INPP4B: variants seen among roughly 807,000 people sequenced by gnomAD.
INPP4B encodes the protein inositol polyphosphate-4-phosphatase type II B.
A neutral mutation model predicts 122.5 loss-of-function variants in INPP4B; 55 were observed. That is an observed-to-expected ratio of 0.45 (90% CI 0.36 to 0.56). The LOEUF (loss-of-function observed/expected upper bound fraction) is 0.56, where lower values mean the gene tolerates loss of function less well. Ranked by LOEUF, INPP4B falls within the 20% of genes least tolerant of loss-of-function variation. The pLI, the probability that INPP4B is intolerant of heterozygous loss-of-function variation, is 0.00. For missense variants in INPP4B, 1,000 were observed against 1,097.7 expected, an observed-to-expected ratio of 0.91 and a Z score of 1.26; for synonymous variants, 403 against 388.7, an observed-to-expected ratio of 1.04 and a Z score of -0.43.
chr4:142,166,906 T>C (rs1823021676), intron 16 of INPP4B, among the ~76,000 whole-genome samples: 1 of 151,852 alleles, frequency 6.6e-6, no homozygotes, highest in Non-Finnish European at 1.5e-5. Context: ...CAGGTGAGGC[T>C]GTGGAGAAAT....
intron 5 of INPP4B, among the ~76,000 whole-genome samples, chr4:142,414,147 A>G (rs1161947447): frequency 6.6e-6 from 1 of 152,206 alleles, no homozygotes; most frequent in Non-Finnish European, 1.5e-5. Context: ...ATTTCCTTGA[A>G]GTAAAATATT....
At chr4:142,544,982 T>C (rs548704301) in intron 2 of INPP4B, among the ~76,000 whole-genome samples, 1 of 152,338 alleles carries the variant, frequency 6.6e-6, no homozygotes, top group East Asian at 1.9e-4. Flanking sequence ...GTAAATTTTA[T>C]GGTTACATTC....
chr4:142,374,376 T>C (rs546979642), intron 7 of INPP4B, among the ~76,000 whole-genome samples: 2 of 151,936 alleles, frequency 1.3e-5, no homozygotes, highest in African/African-American at 2.4e-5. Flanking sequence ...CTTTCAGTCA[T>C]CTAGATTTCT....
intron 2 of INPP4B, among the ~76,000 whole-genome samples, chr4:142,711,845 C>T (rs1408798541): frequency 1.3e-5 from 2 of 152,046 alleles, no homozygotes; most frequent in Non-Finnish European, 2.9e-5. Context: ...GCCAGGAGTT[C>T]GAGACCAGCC....
chr4:142,548,466 A>T (rs1727163203), intron 2 of INPP4B, among the ~76,000 whole-genome samples: 2 of 152,224 alleles, frequency 1.3e-5, no homozygotes, highest in Admixed American at 1.3e-4. Flanking sequence ...AGCTAATTCG[A>T]GTGCTCTTGT....
At chr4:142,652,092 T>A (rs1753093550) in intron 2 of INPP4B, among the ~76,000 whole-genome samples, 1 of 152,050 alleles carries the variant, frequency 6.6e-6, no homozygotes, top group Admixed American at 6.6e-5. Flanking sequence ...ACGTAATCCA[T>A]CACGTAAACA....
rs540486637 is a variant in INPP4B at position 142,641,926 on chromosome 4, C to T, written c.-191+83913G>A. Among the ~76,000 whole-genome samples the T allele has an allele frequency of 5.9e-5, 9 of 152,240 alleles. No homozygotes were observed. In the South Asian group the frequency reaches 1.9e-3, roughly 32 times the overall value. ...CTATTTCTCCACATCCTCTCCAGCA[C>T]CTCTTGTTTCCTGACTTTTTAATGA... On this transcript the variant is annotated intron_variant, in intron 2 of 25. Coordinates refer to ENST00000262992, the MANE Select transcript of INPP4B (RefSeq NM_001101669.3).
intron 2 of INPP4B, among the ~76,000 whole-genome samples, chr4:142,498,658 G>A (rs1256535050): frequency 1.3e-5 from 2 of 151,912 alleles, no homozygotes; most frequent in African/African-American, 4.8e-5. Flanking sequence ...GGGTATGGTG[G>A]CATCTGCCTG....
At chr4:142,420,699 A>G (rs1162482609) in intron 5 of INPP4B, among the ~76,000 whole-genome samples, 1 of 152,156 alleles carries the variant, frequency 6.6e-6, no homozygotes, top group Non-Finnish European at 1.5e-5. Flanking sequence ...TACATTCTAG[A>G]TATAGGCCTT....
intron 2 of INPP4B, among the ~76,000 whole-genome samples, chr4:142,642,154 A>G (rs1017220996): frequency 6.6e-6 from 1 of 152,062 alleles, no homozygotes; most frequent in Admixed American, 6.6e-5. Context: ...TTCTTTGTAG[A>G]TTCTGGATAT....
At chr4:142,464,205 A>G (rs1260104906) in intron 2 of INPP4B, among the ~76,000 whole-genome samples, 1 of 152,176 alleles carries the variant, frequency 6.6e-6, no homozygotes, top group Admixed American at 6.6e-5. Flanking sequence ...ATATGTGTAT[A>G]AAAATGTTAC....
At chr4:142,327,382 C>A (rs1277562024) in intron 7 of INPP4B, among the ~76,000 whole-genome samples, 1 of 151,876 alleles carries the variant, frequency 6.6e-6, no homozygotes, top group East Asian at 1.9e-4. Context: ...GATCACCAAA[C>A]CCCCCATACA....
intron 1 of INPP4B, among the ~76,000 whole-genome samples, chr4:142,815,212 T>C (rs1456392461): frequency 5.3e-5 from 8 of 152,092 alleles, no homozygotes; most frequent in Non-Finnish European, 8.8e-5. Flanking sequence ...AAGGAAAATC[T>C]GAGAAACTGT....
intron 7 of INPP4B, among the ~76,000 whole-genome samples, chr4:142,320,116 C>T (rs998561661): frequency 6.6e-6 from 1 of 152,188 alleles, no homozygotes; most frequent in Non-Finnish European, 1.5e-5. Flanking sequence ...GCTCTAAACT[C>T]CTGAGGCCAC....
At chr4:142,787,006 A>C (rs1326415009) in intron 1 of INPP4B, among the ~76,000 whole-genome samples, 1 of 152,278 alleles carries the variant, frequency 6.6e-6, no homozygotes, top group East Asian at 1.9e-4. Flanking sequence ...TATGAGCTTC[A>C]GTTAATAATA....
intron 2 of INPP4B, among the ~76,000 whole-genome samples, chr4:142,523,346 G>T (rs1443784556): frequency 6.6e-6 from 1 of 152,118 alleles, no homozygotes; most frequent in Admixed American, 6.6e-5. Context: ...GGGAGGTGAT[G>T]CTGAGACACA....
intron 16 of INPP4B, among the ~76,000 whole-genome samples, chr4:142,163,913 G>T (rs2152919613): frequency 6.6e-6 from 1 of 151,872 alleles, no homozygotes; most frequent in East Asian, 1.9e-4. Context: ...AATGAAAAAA[G>T]AAAGTCTATC....
intron 25 of INPP4B, among the ~76,000 whole-genome samples, chr4:142,059,626 A>G (rs1287196069): frequency 6.6e-6 from 1 of 152,144 alleles, no homozygotes; most frequent in Non-Finnish European, 1.5e-5. Context: ...CTTATGGTAT[A>G]TGGATTCTGG....
chr4:142,296,811 A>G (rs2151049801), intron 9 of INPP4B, among the ~76,000 whole-genome samples: 1 of 152,350 alleles, frequency 6.6e-6, no homozygotes, highest in Middle Eastern at 3.4e-3. Flanking sequence ...AAATTGATGG[A>G]ATTTTAAGTT....
Sources: allele counts gnomAD v4.1 joint callset (sites outside exome capture counted in the v4.1 genomes callset), GRCh38; gene constraint gnomAD v4.1.1; transcripts MANE v1.5; gene names NCBI Gene and HGNC (gene_info 2026-07-23, HGNC 2026-07-21).